DZANK1: variants seen among roughly 807,000 people sequenced by gnomAD.
DZANK1 encodes the protein double zinc ribbon and ankyrin repeat-containing protein 1.
Under a neutral mutation model 94.5 loss-of-function variants are expected in DZANK1, and 91 were observed. The observed-to-expected ratio is 0.96, with a 90% CI of 0.81 to 1.15. The LOEUF (loss-of-function observed/expected upper bound fraction) is 1.15, where lower values mean the gene tolerates loss of function less well. Among genes scored for constraint, DZANK1 ranks in the 50% most tolerant of loss-of-function variants. The probability of loss-of-function intolerance (pLI) is 0.00; values close to 1 mark genes in which losing one functional copy is unlikely to be tolerated. For missense variants in DZANK1, 903 were observed against 916.4 expected (o/e 0.99, Z 0.19); for synonymous variants, 312 against 325.3 (o/e 0.96, Z 0.44).
In DZANK1 at chr20:18,421,689, A is replaced by C. The variant is rs565431180; in HGVS notation, c.954+5378T>G. On this transcript the variant is annotated intron_variant, in intron 10 of 20. Coordinates refer to ENST00000262547, the Ensembl canonical transcript of DZANK1. ...CCAAGTACTTTTCATGCTGTCAGGC[A>C]TCTTAAATGTACTAGGCATCCAGGA... 9.8e-5 allele frequency among the ~76,000 whole-genome samples: 15 copies of C among 152,332 alleles called. No individual in the cohort carries two copies. The South Asian group carries it at 1.9e-3, about 19-fold the overall frequency.
chr20:18,459,691 C>A (rs1019620321), intron 3 of DZANK1, among the ~76,000 whole-genome samples: 2 of 152,050 alleles, frequency 1.3e-5, no homozygotes, highest in Non-Finnish European at 2.9e-5. Context: ...AGTATGGTAG[C>A]TAATGTCCAA....
At chr20:18,422,160 T>C (rs190532717) in intron 10 of DZANK1, among the ~76,000 whole-genome samples, 2 of 152,340 alleles carry the variant, frequency 1.3e-5, no homozygotes, top group Admixed American at 6.5e-5. Flanking sequence ...ATAAGCTTTT[T>C]CCCTATGTTT....
chr20:18,437,516 T>C (rs2058567895), intron 8 of DZANK1, among the ~76,000 whole-genome samples: 1 of 152,034 alleles, frequency 6.6e-6, no homozygotes, highest in African/African-American at 2.4e-5. Flanking sequence ...GAGGCAGAGG[T>C]TGCAGTGAGC....
intron 9 of DZANK1, chr20:18,428,658 T>G (rs2058159031): frequency 6.6e-6 from 1 of 152,246 alleles, no homozygotes; most frequent in African/African-American, 2.4e-5. Context: ...CCATTGATAA[T>G]GACCAGTGGT....
intron 13 of DZANK1, among the ~76,000 whole-genome samples, chr20:18,404,833 G>C (rs79977349): frequency 0.024 from 3,710 of 152,138 alleles, 65 homozygotes; most frequent in Non-Finnish European, 0.04. Flanking sequence ...GATCTCTTGA[G>C]CCCAAGATTT....
chr20:18,426,245 A>G (rs2058039092), intron 10 of DZANK1, among the ~76,000 whole-genome samples: 1 of 152,150 alleles, frequency 6.6e-6, no homozygotes, highest in Non-Finnish European at 1.5e-5. Flanking sequence ...CCTTATAAGA[A>G]TCTAACTCAT....
chr20:18,414,328 T>TA lies in DZANK1; in HGVS notation c.1242+19dup. ...CAGCCTCTTCCTGGGTACCAGTTCTTACTACAGGGGAGGCCTCACCTCAGA... is the reference window on the plus strand; with the variant it reads ...CAGCCTCTTCCTGGGTACCAGTTCTTAACTACAGGGGAGGCCTCACCTCAGA... On this transcript the variant is annotated intron_variant, in intron 12 of 20. Coordinates refer to ENST00000262547, the Ensembl canonical transcript of DZANK1. 6.2e-7 allele frequency: 1 copy of TA among 1,612,952 alleles called. No homozygotes were observed.
intron 17 of DZANK1, among the ~76,000 whole-genome samples, chr20:18,393,050 A>G (rs564956796): frequency 2.0e-5 from 3 of 152,324 alleles, no homozygotes; most frequent in South Asian, 4.1e-4. Flanking sequence ...TTTCGCAGAA[A>G]GCATAAGATT....
At chr20:18,390,274 CA>C (rs2055886687) in intron 18 of DZANK1, 104 bp downstream of exon 18, 2 of 1,012,880 alleles carry the variant, frequency 2.0e-6, no homozygotes, top group Admixed American at 3.7e-5. Flanking sequence ...AATCAAAGGG[CA>C]GTGTAATTTT....
At chr20:18,434,102 A>C (rs1328423430) in intron 8 of DZANK1, among the ~76,000 whole-genome samples, 1 of 152,162 alleles carries the variant, frequency 6.6e-6, no homozygotes, top group South Asian at 2.1e-4. Context: ...AATAGAAAAT[A>C]AAATAACAAT....
chr20:18,396,807 T>C (rs1213855857), intron 14 of DZANK1, among the ~76,000 whole-genome samples: 1 of 152,178 alleles, frequency 6.6e-6, no homozygotes, highest in African/African-American at 2.4e-5. Flanking sequence ...GACTGCCAAA[T>C]TGAATAAAAA....
chr20:18,418,331 G>A (rs1185239457), intron 10 of DZANK1, among the ~76,000 whole-genome samples: 1 of 152,130 alleles, frequency 6.6e-6, no homozygotes, highest in African/African-American at 2.4e-5. Flanking sequence ...AAGAGGCAGG[G>A]AGCTCCCAGA....
At chr20:18,418,146 G>A (rs1396618522) in intron 10 of DZANK1, among the ~76,000 whole-genome samples, 2 of 152,040 alleles carry the variant, frequency 1.3e-5, no homozygotes, top group Admixed American at 6.6e-5. Context: ...AGCAGGTAGA[G>A]TTGCAGCAAG....
chr20:18,433,809 A>G (rs748882670), intron 8 of DZANK1, 44 bp from the exon 9 acceptor site: 20 of 1,530,684 alleles, frequency 1.3e-5, no homozygotes, highest in Admixed American at 1.7e-5. Context: ...ATAAAAACTG[A>G]AGGTATGAAT....
chr20:18,444,963 G>C (rs1441601403), intron 7 of DZANK1, among the ~76,000 whole-genome samples: 1 of 151,898 alleles, frequency 6.6e-6, no homozygotes, highest in East Asian at 1.9e-4. Context: ...ACCAAGCCCG[G>C]CTAATTTTTT....
At chr20:18,429,264 C>A (rs1337421070) in intron 9 of DZANK1, among the ~76,000 whole-genome samples, 1 of 152,160 alleles carries the variant, frequency 6.6e-6, no homozygotes, top group Non-Finnish European at 1.5e-5. Flanking sequence ...TGGAGAACAA[C>A]TAAAATTGCT....
At chr20:18,388,463 C>G (rs1301142493) in intron 19 of DZANK1, among the ~76,000 whole-genome samples, 5 of 152,236 alleles carry the variant, frequency 3.3e-5, no homozygotes, top group Non-Finnish European at 7.3e-5. Flanking sequence ...AAAGCCAGGA[C>G]TCACGCTGCT....
chr20:18,428,571 A>G (rs1178453613), intron 9 of DZANK1: 2 of 152,266 alleles, frequency 1.3e-5, no homozygotes, highest in African/African-American at 4.8e-5. Flanking sequence ...TGGTAAAAAT[A>G]GTCTGGAGTT....
At position 18,390,359 on chromosome 20, in the gene DZANK1, G is replaced by A. The variant is rs769559587; in HGVS notation, c.1890+20C>T. On this transcript the variant is annotated intron_variant, in intron 18 of 20. Transcript: ENST00000262547. Reference sequence around the variant, plus strand: ...CAGGCTGAACTCTTCAGAGAGACTGGCTCCTTTGGCAACACTTACCTCATC... The same window carrying A: ...CAGGCTGAACTCTTCAGAGAGACTGACTCCTTTGGCAACACTTACCTCATC... 1.2e-6 allele frequency: 2 copies of A among 1,611,368 alleles called. No homozygotes were observed. The highest frequency in any genetic ancestry group is 4.5e-5 in the East Asian group (2 of 44,860).
Sources: gnomAD v4.1 joint callset for allele counts (sites outside exome capture counted in the v4.1 genomes callset) on GRCh38, gnomAD v4.1.1 for gene constraint, MANE v1.5 for transcripts, NCBI Gene and HGNC (gene_info 2026-07-23, HGNC 2026-07-21) for gene names.